The following RBMS1 variants were observed in gnomAD, a reference collection of about 807,000 sequenced individuals.
The protein encoded by RBMS1 is RNA binding motif single stranded interacting protein 1.
In RBMS1, 17 loss-of-function variants were observed where a neutral mutation model predicts 62.3. That is an observed-to-expected ratio of 0.27 (90% CI 0.19 to 0.41). RBMS1 has a LOEUF of 0.41. RBMS1 is among the 10% of genes least tolerant of loss of function. The pLI is 1.00. For synonymous variants in RBMS1, 172 were observed against 170.0 expected (o/e 1.01, Z -0.09); for missense variants, 334 against 504.5 (o/e 0.66, Z 3.24).
chr2:160,477,294 CTG>C (rs1685183993), intron 1 of RBMS1, among the ~76,000 whole-genome samples: 1 of 152,168 alleles, frequency 6.6e-6, no homozygotes, highest in South Asian at 2.1e-4. Context: ...ATGCAATGAG[CTG>C]TGTTTGCACC....
intron 1 of RBMS1, among the ~76,000 whole-genome samples, chr2:160,483,191 T>C (rs1685441733): frequency 2.6e-5 from 4 of 152,058 alleles, no homozygotes; most frequent in African/African-American, 7.2e-5. Context: ...TTTTTGCCAA[T>C]TGAAAAAACA....
intron 1 of RBMS1, among the ~76,000 whole-genome samples, chr2:160,439,889 C>T (rs1683328471): frequency 6.6e-6 from 1 of 152,022 alleles, no homozygotes. Context: ...CCCGTCTCCA[C>T]CAAAAAAATA....
chr2:160,381,831 G>A (rs191265004), intron 1 of RBMS1, among the ~76,000 whole-genome samples: 9 of 152,290 alleles, frequency 5.9e-5, no homozygotes, highest in Admixed American at 5.2e-4. Flanking sequence ...TGAGTGACAC[G>A]GCCTTCCTTC....
At chr2:160,309,656 T>C (rs1689738934) in intron 4 of RBMS1, among the ~76,000 whole-genome samples, 1 of 151,946 alleles carries the variant, frequency 6.6e-6, no homozygotes, top group Non-Finnish European at 1.5e-5. Context: ...GGGGATGGAG[T>C]TGGTTAAAGA....
intron 1 of RBMS1, among the ~76,000 whole-genome samples, chr2:160,385,370 T>C (rs573897611): frequency 6.6e-6 from 1 of 151,458 alleles, no homozygotes; most frequent in Non-Finnish European, 1.5e-5. Context: ...CATAAAAAAA[T>C]AAATAAATAA....
At chr2:160,484,361 G>A (rs1685499059) in intron 1 of RBMS1, among the ~76,000 whole-genome samples, 2 of 151,650 alleles carry the variant, frequency 1.3e-5, no homozygotes, top group Admixed American at 6.6e-5. Context: ...CGGACGTGGT[G>A]GCGGGCGCCT....
chr2:160,285,723 C>T (rs4547488), intron 7 of RBMS1, among the ~76,000 whole-genome samples: 151,536 of 151,906 alleles, frequency 1, 75,584 homozygotes, highest in Non-Finnish European at 1. Flanking sequence ...ATTTAGATTA[C>T]TATTTAGGAT....
chr2:160,321,672 C>T (rs1447524264), intron 2 of RBMS1, among the ~76,000 whole-genome samples: 5 of 152,152 alleles, frequency 3.3e-5, no homozygotes, highest in Non-Finnish European at 7.4e-5. Flanking sequence ...CTGTCTCTCT[C>T]CATATCTCTT....
chr2:160,444,404 TA>T (rs1683552879), intron 1 of RBMS1, among the ~76,000 whole-genome samples: 1 of 152,242 alleles, frequency 6.6e-6, no homozygotes, highest in Admixed American at 6.5e-5. Flanking sequence ...ACATATTTAT[TA>T]ATAATAACTA....
At chr2:160,360,700 T>C (rs1263550202) in intron 2 of RBMS1, among the ~76,000 whole-genome samples, 2 of 152,204 alleles carry the variant, frequency 1.3e-5, no homozygotes, top group Non-Finnish European at 2.9e-5. Context: ...TCACCCTTCA[T>C]GAAATTTTTG....
At chr2:160,290,876 T>C (rs938223633) in intron 6 of RBMS1, among the ~76,000 whole-genome samples, 2 of 152,198 alleles carry the variant, frequency 1.3e-5, no homozygotes, top group Admixed American at 6.5e-5. Flanking sequence ...AAGCTTGATT[T>C]TGTGGTACTG....
chr2:160,470,618 C>T (rs570512450), intron 1 of RBMS1, among the ~76,000 whole-genome samples: 3 of 149,366 alleles, frequency 2.0e-5, no homozygotes, highest in African/African-American at 4.9e-5. Context: ...TTTTATCTTT[C>T]CTGGACAGAA....
chr2:160,391,530 T>C (rs1041085747), intron 1 of RBMS1, among the ~76,000 whole-genome samples: 49 of 152,150 alleles, frequency 3.2e-4, no homozygotes, highest in Admixed American at 2.6e-4. Context: ...GGCCAGGTTG[T>C]CCTGTTGACT....
intron 1 of RBMS1, among the ~76,000 whole-genome samples, chr2:160,371,188 T>C (rs1291268969): frequency 2.0e-5 from 3 of 152,346 alleles, no homozygotes; most frequent in Non-Finnish European, 2.9e-5. Flanking sequence ...ACACTTTGCG[T>C]TAGATTAGGT....
chr2:160,309,942 C>T (rs1689757472), intron 4 of RBMS1, among the ~76,000 whole-genome samples: 1 of 152,166 alleles, frequency 6.6e-6, no homozygotes, highest in African/African-American at 2.4e-5. Context: ...TGAAGATTCA[C>T]TACATGATAC....
At chr2:160,382,833 G>A (rs933076118) in intron 1 of RBMS1, among the ~76,000 whole-genome samples, 2 of 151,420 alleles carry the variant, frequency 1.3e-5, no homozygotes, top group Non-Finnish European at 2.9e-5. Context: ...CAACACTAAC[G>A]TAGTTTACTT....
At chr2:160,282,169 C>T in intron 9 of RBMS1, 1 of 1,187,394 alleles carries the variant, frequency 8.4e-7, no homozygotes, top group South Asian at 1.2e-5. Context: ...CAAAACCCTC[C>T]TGCATTTTAT....
intron 2 of RBMS1, among the ~76,000 whole-genome samples, chr2:160,335,587 C>G (rs962413546): frequency 4.7e-4 from 72 of 152,280 alleles, no homozygotes; most frequent in African/African-American, 1.7e-3. Flanking sequence ...CATTTGTTCT[C>G]AAGTTCAGGA....
intron 4 of RBMS1, among the ~76,000 whole-genome samples, chr2:160,307,155 C>T (rs987652543): frequency 6.6e-6 from 1 of 152,016 alleles, no homozygotes; most frequent in African/African-American, 2.4e-5. Flanking sequence ...TAACAAAAAC[C>T]TCCCCGTGCG....
Sources: gnomAD v4.1 joint callset for allele counts (sites outside exome capture counted in the v4.1 genomes callset) on GRCh38, gnomAD v4.1.1 for gene constraint, MANE v1.5 for transcripts, NCBI Gene and HGNC (gene_info 2026-07-23, HGNC 2026-07-21) for gene names.